Variants in ZNF316 observed in about 807,000 individuals in gnomAD.
ZNF316 encodes the protein zinc finger protein 316.
Under a neutral mutation model 75.6 loss-of-function variants are expected in ZNF316, and 23 were observed. That is an observed-to-expected ratio of 0.30 (90% CI 0.22 to 0.43). ZNF316 has a LOEUF of 0.43. Among genes scored for constraint, ZNF316 ranks in the 20% least tolerant of loss-of-function variants. The pLI, the probability that ZNF316 is intolerant of heterozygous loss-of-function variation, is 1.00. For missense variants in ZNF316, 1,266 were observed against 1,409.4 expected (o/e 0.90, Z 1.63); for synonymous variants, 827 against 666.2 (o/e 1.24, Z -3.72).
intron 8 of ZNF316, among the ~76,000 whole-genome samples, chr7:6,648,593 T>C (rs1267944785): frequency 1.3e-5 from 2 of 152,188 alleles, no homozygotes; most frequent in Non-Finnish European, 2.9e-5. Flanking sequence ...CAGGTGCTGT[T>C]ATCAACCCAT....
chr7:6,657,029 T>C lies in ZNF316; in HGVS notation c.*2418T>C, dbSNP rs981514895. ...AGAACAGAGCAATCTAATGCTTCTT[T>C]TCTTGCCCAGGCTGGAGTGCAGGGC... On this transcript the variant is annotated 3_prime_UTR_variant, in exon 9 of 9. Coordinates refer to ENST00000382252, the MANE Select transcript of ZNF316 (RefSeq NM_001278559.2). Among the ~76,000 whole-genome samples the C allele has an allele frequency of 5.3e-5, 8 of 152,162 alleles. No individual in the cohort carries two copies. The highest frequency in any genetic ancestry group is 7.3e-5 in the Non-Finnish European group (5 of 68,032).
rs1779527644 is a variant in ZNF316, at chr7:6,652,568, G to A, written c.972G>A (p.Ala324=). 7 of 1,230,888 alleles carry A rather than the reference G, an allele frequency of 5.7e-6. No individual in the cohort carries two copies. The highest frequency in any genetic ancestry group is 4.1e-5 in the South Asian group (1 of 24,340). The allele number at this position is 1,230,888 out of a possible 1,614,324, so 76.2% of individuals were successfully genotyped here. The change falls in exon 9 of 9, where the codon GCG becomes GCA. Residue 324 remains alanine (A), a synonymous_variant. Coordinates refer to ENST00000382252, the MANE Select transcript of ZNF316 (RefSeq NM_001278559.2). ...TCCTGCCCGGCCGGGAGCCGGGTGC[G>A]AACCTGCTGTCGCCCTGGGCGTTCC... The part of the protein sequence containing the change: ...KPFLPGREPG[A]NLLSPWAFPA...
chr7:6,638,164 GGGA>G (rs1779250324), intron 2 of ZNF316, among the ~76,000 whole-genome samples, 155 bp downstream of exon 2: 1 of 152,148 alleles, frequency 6.6e-6, no homozygotes, highest in Admixed American at 6.5e-5. Context: ...TGCTTGTGTG[GGGA>G]GACCTCGGTG....
intron 7 of ZNF316, 22 bp downstream of exon 7, chr7:6,643,970 C>T: frequency 1.6e-6 from 2 of 1,232,150 alleles, no homozygotes; most frequent in South Asian, 4.1e-5. Context: ...ACCTTTTGTC[C>T]CCAAGAGGCA....
chr7:6,658,250 A>G lies in ZNF316; in HGVS notation c.*3639A>G, dbSNP rs1166276867. 6.6e-6 allele frequency among the ~76,000 whole-genome samples: 1 copy of G among 151,920 alleles called. No homozygotes were observed. Among genetic ancestry groups the G allele is most frequent in the African/African-American group, 2.4e-5 (1 of 41,354 alleles). ...ATAAAGTATTTTGAATTACTGGGTT[A>G]TATCTATTAAATAAAGCTTTATGAT... is the stretch of plus-strand genomic sequence containing the variant. On this transcript the variant is annotated 3_prime_UTR_variant, in exon 9 of 9. Transcript: ENST00000382252.
chr7:6,654,627 C>G lies in ZNF316; in HGVS notation c.*16C>G, dbSNP rs1383883677. ...CGTCCTGTGAGGGGCCCGGGGCCGA[C>G]AGCAGCGCAGCCTGCAGGGCCACCG... is the stretch of plus-strand genomic sequence containing the variant. On this transcript the variant is annotated 3_prime_UTR_variant, in exon 9 of 9. Transcript: ENST00000382252. 8.5e-6 allele frequency: 10 copies of G among 1,183,336 alleles called. No individual in the cohort carries two copies. The highest frequency in any genetic ancestry group is 2.1e-6 in the Non-Finnish European group (2 of 956,644). 73.3% of individuals were successfully genotyped at this position (1,183,336 alleles called of 1,614,324 possible). A position where few individuals can be genotyped will look rare whatever the true frequency, so the allele number is the denominator to read the frequency against.
chr7:6,638,550 G>T (rs912244519), intron 2 of ZNF316, among the ~76,000 whole-genome samples: 1 of 152,124 alleles, frequency 6.6e-6, no homozygotes, highest in African/African-American at 2.4e-5. Context: ...CCCTTGCCTC[G>T]CTCCCTTCTC....
chr7:6,647,361 C>T (rs1779424619), intron 8 of ZNF316, among the ~76,000 whole-genome samples: 2 of 152,180 alleles, frequency 1.3e-5, no homozygotes, highest in East Asian at 1.9e-4. Context: ...ATGTGTGGGG[C>T]CAGTGCCACC....
At chr7:6,644,620 T>A (rs1779368289) in intron 8 of ZNF316, 27 bp downstream of exon 8, 3 of 1,193,146 alleles carry the variant, frequency 2.5e-6, no homozygotes, top group Middle Eastern at 3.2e-4. Context: ...TTTTGCGGTT[T>A]GTGCCGATAG....
chr7:6,646,506 C>G (rs1425180316), intron 8 of ZNF316, among the ~76,000 whole-genome samples: 1 of 152,184 alleles, frequency 6.6e-6, no homozygotes, highest in Non-Finnish European at 1.5e-5. Flanking sequence ...ACCCTTGTGG[C>G]CTGTGCACCT....
chr7:6,653,801 G>A lies in ZNF316; in HGVS notation c.2205G>A (p.Ala735=). 9.2e-7 allele frequency: 1 copy of A among 1,081,134 alleles called. No individual in the cohort carries two copies. The highest frequency in any genetic ancestry group is 1.1e-6 in the Non-Finnish European group (1 of 889,210). The allele number at this position is 1,081,134 out of a possible 1,614,324, so 67.0% of individuals were successfully genotyped here. A position where few individuals can be genotyped will look rare whatever the true frequency, so the allele number is the denominator to read the frequency against. ...GCTTCGTGTACGGCTCGCACCTGGC[G>A]CGCCACCGGCGCACACACACCGGCG... ...GKSFVYGSHL[A]RHRRTHTGER... is the part of the protein sequence containing the mutation. Residue 735 remains alanine, a synonymous_variant, in exon 9 of 9, where the codon GCG becomes GCA. Coordinates refer to ENST00000382252, the MANE Select transcript of ZNF316 (RefSeq NM_001278559.2).
chr7:6,653,684 C>T lies in ZNF316; in HGVS notation c.2088C>T (p.Cys696=), dbSNP rs1779563061. 2.8e-6 allele frequency: 3 copies of T among 1,083,638 alleles called. No homozygotes were observed. The highest frequency in any genetic ancestry group is 1.7e-5 in the African/African-American group (1 of 58,460). 67.1% of individuals were successfully genotyped at this position (1,083,638 alleles called of 1,614,324 possible). ...EEESPWICSD[C]GKTFGRRAAL... ...AGAGCCCGTGGATCTGCTCGGACTG[C>T]GGCAAGACGTTTGGGCGCCGGGCCG... The change falls in exon 9 of 9, where the codon TGC becomes TGT. Residue 696 remains cysteine, a synonymous_variant. Coordinates refer to ENST00000382252, the MANE Select transcript of ZNF316 (RefSeq NM_001278559.2).
chr7:6,653,036 G>T lies in ZNF316; in HGVS notation c.1440G>T (p.Thr480=), dbSNP rs1488805796. 14 of 1,220,824 alleles carry T rather than the reference G, an allele frequency of 1.1e-5. No individual in the cohort carries two copies. Among genetic ancestry groups the T allele is most frequent in the Non-Finnish European group, 1.4e-5 (14 of 981,096 alleles). 75.6% of individuals were successfully genotyped at this position (1,220,824 alleles called of 1,614,324 possible). A position where few individuals can be genotyped will look rare whatever the true frequency, so the allele number is the denominator to read the frequency against. ...SALARHQAVH[T]ADRPHCCPDC... ...TGGCACGGCACCAGGCGGTGCACAC[G>T]GCCGACCGCCCGCACTGCTGTCCCG... is the stretch of plus-strand genomic sequence containing the variant. The change falls in exon 9 of 9, where the codon ACG becomes ACT. Residue 480 remains threonine (T), a synonymous_variant. Coordinates refer to ENST00000382252, the MANE Select transcript of ZNF316 (RefSeq NM_001278559.2).
chr7:6,653,272 C>T lies in ZNF316; in HGVS notation c.1676C>T (p.Ala559Val), dbSNP rs1260701950. 13 of 1,227,490 alleles carry T rather than the reference C, an allele frequency of 1.1e-5. No homozygotes were observed. The African/African-American group carries it at 1.7e-4, about 16-fold the overall frequency. 76.0% of individuals were successfully genotyped at this position (1,227,490 alleles called of 1,614,324 possible). A position where few individuals can be genotyped will look rare whatever the true frequency, so the allele number is the denominator to read the frequency against. Residue 559 changes from alanine (A) to valine (V), a missense_variant, in exon 9 of 9, where the codon GCG becomes GTG. This residue lies in a region of ZNF316 where 961 missense variants were observed against 990.9 expected (regional missense o/e 0.97). Transcript: ENST00000382252. ...GCCGCGGCCGAGGAGAGAGAGGAGG[C>T]GGCGGTGGCGGCGCCCACCCCCAGC... ...AEAAAEEREE[A>V]AVAAPTPSGK...
At chr7:6,646,025 T>C (rs1583442575) in intron 8 of ZNF316, among the ~76,000 whole-genome samples, 1 of 145,138 alleles carries the variant, frequency 6.9e-6, no homozygotes, top group Admixed American at 6.9e-5. Context: ...TCAGATCTCG[T>C]GAGAACTCCC....
chr7:6,653,837 C>T lies in ZNF316; in HGVS notation c.2241C>T (p.Phe747=). 1 of 1,080,934 alleles carries T rather than the reference C, an allele frequency of 9.3e-7. No individual in the cohort carries two copies. Among genetic ancestry groups the T allele is most frequent in the African/African-American group, 1.7e-5 (1 of 58,468 alleles). The allele number at this position is 1,080,934 out of a possible 1,614,324, so 67.0% of individuals were successfully genotyped here. ...HRRTHTGERP[F]PCPECGARFA... is the part of the protein sequence containing the mutation. ...GCACACACACCGGCGAGCGGCCCTT[C>T]CCGTGCCCCGAGTGCGGCGCGCGGT... The change falls in exon 9 of 9, where the codon TTC becomes TTT. Residue 747 remains phenylalanine (F), a synonymous_variant. Transcript: ENST00000382252.
intron 8 of ZNF316, among the ~76,000 whole-genome samples, chr7:6,646,111 A>G (rs1279228995): frequency 1.3e-5 from 2 of 151,894 alleles, no homozygotes; most frequent in Admixed American, 6.6e-5. Flanking sequence ...CTCCCTTGAC[A>G]CGACACGTGC....
chr7:6,654,207 C>A lies in ZNF316; in HGVS notation c.2611C>A (p.Arg871Ser). The A allele has an allele frequency of 8.2e-7, 1 of 1,221,948 alleles. No homozygotes were observed. Among genetic ancestry groups the A allele is most frequent in the South Asian group, 3.9e-5 (1 of 25,880 alleles). The allele number at this position is 1,221,948 out of a possible 1,614,324, so 75.7% of individuals were successfully genotyped here. Residue 871 changes from arginine to serine, a missense_variant, in exon 9 of 9, where the codon CGC (arginine) becomes AGC (serine). Transcript: ENST00000382252. ...CGACTGCGGCCGCGGCTTCGCGCAG[C>A]GCTCCAACCTGGCCAAGCACCGGCG... Reference protein sequence around the residue: ...CADCGRGFAQRSNLAKHRRGH... With the variant: ...CADCGRGFAQSSNLAKHRRGH...
intron 8 of ZNF316, 76 bp downstream of exon 8, chr7:6,644,669 C>A: frequency 1.3e-6 from 1 of 775,048 alleles, no homozygotes; most frequent in Non-Finnish European, 1.7e-6. Flanking sequence ...CTTCACTGCG[C>A]TCTCTGCAGA....
Sources: gnomAD v4.1 joint callset for allele counts (sites outside exome capture counted in the v4.1 genomes callset) on GRCh38, gnomAD v4.1.1 for gene constraint, gnomAD v4.1.1 regional missense constraint, MANE v1.5 for transcripts, NCBI Gene and HGNC (gene_info 2026-07-23, HGNC 2026-07-21) for gene names.